CHLSN: variants seen among roughly 807,000 people sequenced by gnomAD.
CHLSN encodes the protein cholesin.
chr7:1,128,741 C>T, the CHLSN span, among the ~76,000 whole-genome samples: 1 of 29,644 alleles, frequency 3.4e-5, no homozygotes, highest in Non-Finnish European at 5.7e-5. Context: ...ACCCTGTCAC[C>T]CGGGCTGGAG....
At chr7:979,315 G>A in the CHLSN span, among the ~76,000 whole-genome samples, 9 of 152,158 alleles carry the variant, frequency 5.9e-5, no homozygotes, top group African/African-American at 1.9e-4. Context: ...TGCTCAGGGG[G>A]TACCTTAGAG....
At chr7:1,073,342 CCGTTT>C in the CHLSN span, among the ~76,000 whole-genome samples, 2 of 152,158 alleles carry the variant, frequency 1.3e-5, no homozygotes, top group Admixed American at 6.5e-5. Flanking sequence ...CATTCCACTC[CCGTTT>C]CGGAGACAAG....
the CHLSN span, among the ~76,000 whole-genome samples, chr7:991,879 C>T: frequency 6.6e-6 from 1 of 152,194 alleles, no homozygotes; most frequent in African/African-American, 2.4e-5. Flanking sequence ...CCTTCTCCTT[C>T]CTGGTCTGTG....
chr7:1,027,175 C>G, the CHLSN span: 2 of 152,264 alleles, frequency 1.3e-5, no homozygotes, highest in Non-Finnish European at 2.9e-5. Context: ...ACACTCACAT[C>G]TGGGAACTAA....
At chr7:1,103,282 T>C in the CHLSN span, among the ~76,000 whole-genome samples, 1 of 152,186 alleles carries the variant, frequency 6.6e-6, no homozygotes, top group Non-Finnish European at 1.5e-5. Flanking sequence ...CTTCATCCCC[T>C]GGGCTGAGAT....
the CHLSN span, among the ~76,000 whole-genome samples, chr7:1,136,571 C>CATAAACATAT: frequency 3.7e-5 from 1 of 27,252 alleles, no homozygotes; most frequent in Non-Finnish European, 7.7e-5. Flanking sequence ...AACATATAAA[C>CATAAACATAT]ATAAACATAT....
the CHLSN span, among the ~76,000 whole-genome samples, chr7:1,002,352 G>T: frequency 1.6e-5 from 2 of 126,840 alleles, no homozygotes; most frequent in African/African-American, 6.1e-5. Context: ...TGGGTGGGGA[G>T]TCCTGTGGGT....
the CHLSN span, among the ~76,000 whole-genome samples, chr7:1,126,402 G>GGT: frequency 6.7e-6 from 1 of 148,646 alleles, no homozygotes; most frequent in African/African-American, 2.5e-5. Context: ...ATGCAGGCCA[G>GGT]GTGCGGTGGC....
the CHLSN span, among the ~76,000 whole-genome samples, chr7:1,134,760 T>G: frequency 6.7e-6 from 1 of 148,604 alleles, no homozygotes; most frequent in Non-Finnish European, 1.5e-5. Context: ...TCCCAGCTAC[T>G]CAGCTACTCG....
At chr7:1,020,327 C>T in the CHLSN span, among the ~76,000 whole-genome samples, 1 of 152,154 alleles carries the variant, frequency 6.6e-6, no homozygotes, top group Non-Finnish European at 1.5e-5. Context: ...GGGGCCCCGC[C>T]CAGCACGCCC....
chr7:1,017,422 G>A, the CHLSN span, among the ~76,000 whole-genome samples: 1 of 152,190 alleles, frequency 6.6e-6, no homozygotes, highest in Non-Finnish European at 1.5e-5. Flanking sequence ...ACCCCGTCCA[G>A]TAGCCATGCA....
At chr7:1,011,364 A>G in the CHLSN span, among the ~76,000 whole-genome samples, 1 of 147,576 alleles carries the variant, frequency 6.8e-6, no homozygotes, top group Admixed American at 6.8e-5. Flanking sequence ...ACACCCACAC[A>G]CATCCAACAA....
the CHLSN span, chr7:1,010,041 C>T: frequency 3.1e-6 from 5 of 1,611,142 alleles, no homozygotes; most frequent in Non-Finnish European, 3.4e-6. Flanking sequence ...CGCTGCCTCT[C>T]CTCTTTCTTC....
the CHLSN span, among the ~76,000 whole-genome samples, chr7:1,036,277 T>G: frequency 6.6e-6 from 1 of 152,074 alleles, no homozygotes; most frequent in Non-Finnish European, 1.5e-5. Context: ...GGTTGTGCTG[T>G]GGCCATGTAG....
chr7:991,297 C>A, the CHLSN span, among the ~76,000 whole-genome samples: 1 of 152,204 alleles, frequency 6.6e-6, no homozygotes, highest in African/African-American at 2.4e-5. Flanking sequence ...CGACCTCTCA[C>A]CCCATCTCAC....
the CHLSN span, among the ~76,000 whole-genome samples, chr7:1,035,899 G>A: frequency 6.6e-6 from 1 of 152,232 alleles, no homozygotes; most frequent in Non-Finnish European, 1.5e-5. Flanking sequence ...ATGCCCTTCA[G>A]TAGGGGACTG....
the CHLSN span, among the ~76,000 whole-genome samples, chr7:1,100,444 T>G: frequency 1.7e-4 from 26 of 152,152 alleles, no homozygotes; most frequent in African/African-American, 6.3e-4. Flanking sequence ...CCGGGACAGG[T>G]CTGAGCTCTG....
At chr7:1,058,294 T>A in the CHLSN span, 1 of 774,336 alleles carries the variant, frequency 1.3e-6, no homozygotes, top group South Asian at 1.3e-5. Context: ...ACGGTCATCA[T>A]CTCGCGAGGG....
chr7:1,038,642 G>A, the CHLSN span, among the ~76,000 whole-genome samples: 49 of 75,100 alleles, frequency 6.5e-4, no homozygotes, highest in Admixed American at 1.7e-3. Context: ...CAGCCGCCCC[G>A]TCCGGGAGGG....
Sources: gnomAD v4.1 joint callset for allele counts (sites outside exome capture counted in the v4.1 genomes callset) on GRCh38, gnomAD v4.1.1 for gene constraint, MANE v1.5 for transcripts, NCBI Gene and HGNC (gene_info 2026-07-23, HGNC 2026-07-21) for gene names.